The following PARN variants were observed in gnomAD, a reference collection of about 807,000 sequenced individuals.
PARN encodes the protein poly(A)-specific ribonuclease.
PARN carries 71 observed loss-of-function variants against 102.8 expected under a neutral mutation model. The ratio of observed to expected loss-of-function variants is 0.69; its 90% CI spans 0.57 to 0.84. PARN has a LOEUF of 0.84. Among genes scored for constraint, PARN ranks in the 40% least tolerant of loss-of-function variants. The probability of loss-of-function intolerance (pLI) is 0.00; values close to 1 mark genes in which losing one functional copy is unlikely to be tolerated. For missense variants in PARN, 782 were observed against 760.9 expected (o/e 1.03, Z -0.33); for synonymous variants, 261 against 252.9 (o/e 1.03, Z -0.30).
At chr16:14,574,670 G>A (rs892226490) in intron 18 of PARN, among the ~76,000 whole-genome samples, 1 of 152,058 alleles carries the variant, frequency 6.6e-6, no homozygotes, top group Admixed American at 6.6e-5. Flanking sequence ...CCGAGATTGT[G>A]CCACTGCACT....
intron 18 of PARN, among the ~76,000 whole-genome samples, chr16:14,557,686 G>A (rs1967786000): frequency 6.6e-6 from 1 of 151,620 alleles, no homozygotes; most frequent in African/African-American, 2.4e-5. Flanking sequence ...TTGAGAATTT[G>A]TTGTCTGGCC....
intron 21 of PARN, among the ~76,000 whole-genome samples, chr16:14,522,276 G>C (rs1012674330): frequency 1.3e-5 from 2 of 152,232 alleles, no homozygotes; most frequent in Non-Finnish European, 2.9e-5. Flanking sequence ...AGGTGAGGAG[G>C]TGGGCTGAGC....
chr16:14,582,007 T>C (rs576408914), intron 17 of PARN, among the ~76,000 whole-genome samples, 174 bp downstream of exon 17: 1 of 152,332 alleles, frequency 6.6e-6, no homozygotes, highest in East Asian at 1.9e-4. Flanking sequence ...CACCAGATAC[T>C]AGGTCTGCTG....
In PARN at chr16:14,521,670, T is replaced by C. The variant is rs1250186923; in HGVS notation, c.1480+30351A>G. Among the ~76,000 whole-genome samples, 4 of 152,058 alleles carry C rather than the reference T, an allele frequency of 2.6e-5. No homozygotes were observed. In the East Asian group the frequency reaches 7.7e-4, roughly 29 times the overall value. On this transcript the variant is annotated intron_variant, in intron 21 of 23. Transcript: ENST00000437198. ...AGAATTAGCAGGGTGTAGTGGTACATGCCTGTAATCCCAGCTACACGGGAG... is the reference window on the plus strand; with the variant it reads ...AGAATTAGCAGGGTGTAGTGGTACACGCCTGTAATCCCAGCTACACGGGAG...
chr16:14,464,269 T>G (rs1341628760), intron 22 of PARN, among the ~76,000 whole-genome samples: 1 of 151,982 alleles, frequency 6.6e-6, no homozygotes. Flanking sequence ...TCAAAACTCA[T>G]GATAAAGAAG....
At chr16:14,508,528 G>C (rs533900664) in intron 21 of PARN, among the ~76,000 whole-genome samples, 2 of 152,182 alleles carry the variant, frequency 1.3e-5, no homozygotes, top group African/African-American at 4.8e-5. Flanking sequence ...GGGAAATGCA[G>C]GCTCACATTC....
chr16:14,584,636 C>T (rs1014224610), intron 15 of PARN, 113 bp downstream of exon 15: 1 of 815,362 alleles, frequency 1.2e-6, no homozygotes, highest in African/African-American at 1.7e-5. Context: ...GAATAAAGAT[C>T]TTTACAGATG....
At chr16:14,526,068 T>G (rs1330284534) in intron 21 of PARN, among the ~76,000 whole-genome samples, 1 of 151,956 alleles carries the variant, frequency 6.6e-6, no homozygotes, top group Non-Finnish European at 1.5e-5. Context: ...TTCGCCCACC[T>G]CAGCCTCCCA....
At chr16:14,616,494 C>G (rs1445032906) in intron 6 of PARN, among the ~76,000 whole-genome samples, 2 of 152,168 alleles carry the variant, frequency 1.3e-5, no homozygotes, top group Non-Finnish European at 2.9e-5. Flanking sequence ...GCCTGTAATC[C>G]CAGCAGGCTG....
intron 19 of PARN, 46 bp from the exon 20 acceptor site, chr16:14,554,197 C>G: frequency 2.3e-6 from 3 of 1,290,776 alleles, no homozygotes; most frequent in South Asian, 1.3e-5. Context: ...GAAAAGTGAT[C>G]AAGTAAACCA....
chr16:14,610,136 C>T (rs1043777540), intron 7 of PARN, among the ~76,000 whole-genome samples: 1 of 152,186 alleles, frequency 6.6e-6, no homozygotes, highest in Non-Finnish European at 1.5e-5. Context: ...AGTCCAAGTA[C>T]AATACATGGA....
In PARN at chr16:14,629,673, A is replaced by G. The variant is rs1394666330; in HGVS notation, c.21T>C (p.Asn7=). The change falls in exon 2 of 24, where the codon AAT becomes AAC. Residue 7 remains asparagine (N), a splice_region_variant and synonymous_variant. Transcript: ENST00000437198. The stretch of plus-strand genomic sequence containing the variant: ...ACACTTTGTGAAGATTACTCTTAAA[A>G]TCTGCGGAGAAACCGAAAAGAGGCT... MEIIRS[N]FKSNLHKVYQ... is the part of the protein sequence containing the mutation. The G allele has an allele frequency of 1.2e-6, 2 of 1,611,124 alleles. No individual in the cohort carries two copies. Among genetic ancestry groups the G allele is most frequent in the East Asian group, 2.2e-5 (1 of 44,884 alleles).
intron 22 of PARN, among the ~76,000 whole-genome samples, chr16:14,464,841 G>A (rs1412133800): frequency 6.6e-6 from 1 of 151,936 alleles, no homozygotes; most frequent in Non-Finnish European, 1.5e-5. Flanking sequence ...AGGACCACTT[G>A]AGCCCAGGAA....
chr16:14,467,044 C>T (rs1462662606), intron 22 of PARN, among the ~76,000 whole-genome samples: 1 of 152,210 alleles, frequency 6.6e-6, no homozygotes, highest in Non-Finnish European at 1.5e-5. Flanking sequence ...CCCGCTTTTC[C>T]TGATGCCCCT....
chr16:14,525,662 G>T (rs1418291535), intron 21 of PARN, among the ~76,000 whole-genome samples: 1 of 152,044 alleles, frequency 6.6e-6, no homozygotes, highest in Non-Finnish European at 1.5e-5. Context: ...TGACAGAGCC[G>T]CTCAGTGAAT....
intron 23 of PARN, among the ~76,000 whole-genome samples, chr16:14,440,990 G>A (rs1003283722): frequency 6.6e-6 from 1 of 152,112 alleles, no homozygotes; most frequent in Non-Finnish European, 1.5e-5. Flanking sequence ...TGAAAGTGAT[G>A]ACTTTCATTG....
At chr16:14,439,063 G>A (rs1960834768) in intron 23 of PARN, among the ~76,000 whole-genome samples, 1 of 152,160 alleles carries the variant, frequency 6.6e-6, no homozygotes, top group South Asian at 2.1e-4. Flanking sequence ...GAATCATTTA[G>A]GAACAACTTT....
intron 6 of PARN, among the ~76,000 whole-genome samples, chr16:14,614,264 G>GAA (rs368334204): frequency 2.1e-5 from 3 of 141,768 alleles, no homozygotes; most frequent in African/African-American, 5.2e-5. Context: ...TCAAAAATGG[G>GAA]AAAAAAAAAA....
At chr16:14,519,727 C>T (rs1163603930) in intron 21 of PARN, among the ~76,000 whole-genome samples, 1 of 152,180 alleles carries the variant, frequency 6.6e-6, no homozygotes, top group Non-Finnish European at 1.5e-5. Flanking sequence ...CTAAAACAAA[C>T]TAACTGGCCA....
Sources: gnomAD v4.1 joint callset for allele counts (sites outside exome capture counted in the v4.1 genomes callset) on GRCh38, gnomAD v4.1.1 for gene constraint, MANE v1.5 for transcripts, NCBI Gene and HGNC (gene_info 2026-07-23, HGNC 2026-07-21) for gene names.